The following GPC5 variants were observed in gnomAD, a reference collection of about 807,000 sequenced individuals.
GPC5 encodes the protein glypican 5.
Under a neutral mutation model 53.9 loss-of-function variants are expected in GPC5, and 47 were observed. That is an observed-to-expected ratio of 0.87 (90% CI 0.69 to 1.11). The LOEUF is 1.11. Ranked by LOEUF, GPC5 falls within the 50% of genes most tolerant of loss-of-function variation. The pLI, the probability that GPC5 is intolerant of heterozygous loss-of-function variation, is 0.00. For missense variants in GPC5, 748 were observed against 713.1 expected, an observed-to-expected ratio of 1.05 and a Z score of -0.56; for synonymous variants, 286 against 263.3, an observed-to-expected ratio of 1.09 and a Z score of -0.84.
chr13:92,849,120 C>T (rs916344357), intron 7 of GPC5, among the ~76,000 whole-genome samples: 4 of 150,694 alleles, frequency 2.7e-5, no homozygotes, highest in Non-Finnish European at 4.4e-5. Flanking sequence ...TAAATACACA[C>T]CTCCAGTTAA....
At chr13:92,014,314 G>A (rs190668539) in intron 6 of GPC5, among the ~76,000 whole-genome samples, 1 of 152,260 alleles carries the variant, frequency 6.6e-6, no homozygotes, top group Admixed American at 6.5e-5. Context: ...TAATTCTGAT[G>A]CTCTAACTTG....
intron 7 of GPC5, among the ~76,000 whole-genome samples, chr13:92,385,355 CAT>C (rs558892352): frequency 3.4e-5 from 3 of 88,366 alleles, no homozygotes; most frequent in East Asian, 3.7e-4. Flanking sequence ...TACATATATA[CAT>C]ATATACATAT....
At chr13:91,468,714 C>G (rs1450219059) in intron 2 of GPC5, among the ~76,000 whole-genome samples, 1 of 152,100 alleles carries the variant, frequency 6.6e-6, no homozygotes, top group Non-Finnish European at 1.5e-5. Flanking sequence ...GGCTTTGTAA[C>G]AGCAGCCCCA....
intron 2 of GPC5, among the ~76,000 whole-genome samples, chr13:91,666,907 TTC>T (rs1003693014): frequency 3.2e-4 from 49 of 152,306 alleles, no homozygotes; most frequent in African/African-American, 1.2e-3. Context: ...AAAATATTAT[TTC>T]TTTTTTTAAT....
At chr13:92,047,381 G>A (rs986106702) in intron 6 of GPC5, among the ~76,000 whole-genome samples, 3 of 151,586 alleles carry the variant, frequency 2.0e-5, no homozygotes, top group African/African-American at 7.3e-5. Flanking sequence ...AATGACAAAT[G>A]TCTTCCTCCA....
chr13:91,709,739 G>A (rs2036186557), intron 3 of GPC5, among the ~76,000 whole-genome samples: 1 of 152,154 alleles, frequency 6.6e-6, no homozygotes, highest in Admixed American at 6.5e-5. Flanking sequence ...ACTGTTGGTT[G>A]TGCTTACCAC....
At chr13:92,125,282 A>G (rs1479237549) in intron 6 of GPC5, among the ~76,000 whole-genome samples, 1 of 152,218 alleles carries the variant, frequency 6.6e-6, no homozygotes, top group Non-Finnish European at 1.5e-5. Flanking sequence ...GGCCACAGCT[A>G]ATCCACATCT....
intron 2 of GPC5, among the ~76,000 whole-genome samples, chr13:91,573,540 A>G (rs762898406): frequency 3.2e-4 from 48 of 152,148 alleles, no homozygotes; most frequent in Non-Finnish European, 1.0e-4. Context: ...TCACTATGTG[A>G]AATGCCTCTT....
At chr13:92,544,311 G>A (rs1203976854) in intron 7 of GPC5, among the ~76,000 whole-genome samples, 2 of 152,070 alleles carry the variant, frequency 1.3e-5, no homozygotes, top group African/African-American at 4.8e-5. Context: ...AGAGACTCTG[G>A]AAATACATTG....
chr13:91,784,733 A>C (rs2037852214), intron 5 of GPC5, among the ~76,000 whole-genome samples: 1 of 151,610 alleles, frequency 6.6e-6, no homozygotes, highest in Non-Finnish European at 1.5e-5. Context: ...TCAGAAAAAA[A>C]AAAAATGACC....
intron 2 of GPC5, among the ~76,000 whole-genome samples, chr13:91,545,038 C>T (rs1485454023): frequency 2.0e-5 from 3 of 152,130 alleles, no homozygotes; most frequent in Admixed American, 6.5e-5. Flanking sequence ...TGGTTGTTGG[C>T]TTTTTCTACA....
chr13:92,850,031 A>T (rs1054464267), intron 7 of GPC5, among the ~76,000 whole-genome samples: 1 of 152,234 alleles, frequency 6.6e-6, no homozygotes, highest in Non-Finnish European at 1.5e-5. Flanking sequence ...GGAAATGTTC[A>T]GTAAGTTGAC....
chr13:92,524,472 G>T (rs1051412831), intron 7 of GPC5, among the ~76,000 whole-genome samples: 16 of 152,002 alleles, frequency 1.1e-4, no homozygotes, highest in Admixed American at 6.6e-5. Context: ...TTCAGTATAT[G>T]GTTGGTTGAA....
At chr13:92,457,907 G>C (rs140726948) in intron 7 of GPC5, among the ~76,000 whole-genome samples, 1 of 151,954 alleles carries the variant, frequency 6.6e-6, no homozygotes, top group African/African-American at 2.4e-5. Flanking sequence ...ACTATTCCAC[G>C]CAGAACTGAC....
intron 7 of GPC5, among the ~76,000 whole-genome samples, chr13:92,639,972 T>TTC (rs1235990311): frequency 4.0e-4 from 60 of 148,536 alleles, no homozygotes; most frequent in African/African-American, 1.0e-3. Context: ...ATTTTTTTTT[T>TTC]TCTCTCTCTC....
chr13:92,290,424 C>T (rs765947188), intron 7 of GPC5, among the ~76,000 whole-genome samples: 10 of 151,998 alleles, frequency 6.6e-5, no homozygotes, highest in Non-Finnish European at 1.2e-4. Context: ...GAGATTTTGG[C>T]GCACCCGTCA....
chr13:92,043,479 G>T (rs745677015), intron 6 of GPC5, among the ~76,000 whole-genome samples: 35 of 152,216 alleles, frequency 2.3e-4, no homozygotes, highest in Non-Finnish European at 4.4e-4. Flanking sequence ...GGTAAGGAGA[G>T]GATTTCTAGA....
Position 91,399,184 on chromosome 13 carries a change from G to C in GPC5, c.138G>C (p.Arg46Ser), listed in dbSNP as rs1303842753. The C allele has an allele frequency of 1.6e-5, 25 of 1,612,480 alleles. No individual in the cohort carries two copies. The highest frequency in any genetic ancestry group is 8.5e-7 in the Non-Finnish European group (1 of 1,179,704). ...AGTGGCGGCTGCTGGGAGCTGTCAGGGGGCTGCCGGATTCGCCGCGGGCAG... is the reference window on the plus strand; with the variant it reads ...AGTGGCGGCTGCTGGGAGCTGTCAGCGGGCTGCCGGATTCGCCGCGGGCAG... ...LFQWRLLGAVRGLPDSPRAGP... is the reference protein window; with the variant it reads ...LFQWRLLGAVSGLPDSPRAGP... The change falls in exon 1 of 8, where the codon AGG becomes AGC. Residue 46 changes from arginine (R) to serine (S), a missense_variant. Coordinates refer to ENST00000377067, the MANE Select transcript of GPC5 (RefSeq NM_004466.6).
intron 6 of GPC5, among the ~76,000 whole-genome samples, chr13:91,974,964 C>T (rs9523464): frequency 0.022 from 3,419 of 152,184 alleles, 71 homozygotes; most frequent in Middle Eastern, 0.044. Context: ...GAAATAATGC[C>T]GCATATCTAC....
Sources: allele counts gnomAD v4.1 joint callset (sites outside exome capture counted in the v4.1 genomes callset), GRCh38; gene constraint gnomAD v4.1.1; transcripts MANE v1.5; gene names NCBI Gene and HGNC (gene_info 2026-07-23, HGNC 2026-07-21).